Variants in B4GALNT3 observed in about 807,000 individuals in gnomAD.
B4GALNT3 encodes the protein beta-1,4-N-acetyl-galactosaminyltransferase 3.
B4GALNT3 carries 86 observed loss-of-function variants against 120.2 expected under a neutral mutation model. That is an observed-to-expected ratio of 0.72 (90% confidence interval 0.60 to 0.86). The LOEUF (loss-of-function observed/expected upper bound fraction) is 0.86, where lower values mean the gene tolerates loss of function less well. Among genes scored for constraint, B4GALNT3 ranks in the 40% least tolerant of loss-of-function variants. B4GALNT3 has a pLI of 0.00. For missense variants in B4GALNT3, 1,167 were observed against 1,298.9 expected (o/e 0.90, Z 1.56); for synonymous variants, 518 against 510.4 (o/e 1.01, Z -0.20).
At chr12:480,734 T>C (rs887697570) in intron 1 of B4GALNT3, among the ~76,000 whole-genome samples, 7 of 152,040 alleles carry the variant, frequency 4.6e-5, no homozygotes, top group Non-Finnish European at 7.4e-5. Context: ...AAGGGTGGGC[T>C]CCATAGGCGG....
Position 553,911 on chromosome 12 carries a change from T to C in B4GALNT3, c.1988T>C (p.Leu663Pro). 1 of 1,614,092 alleles carries C rather than the reference T, an allele frequency of 6.2e-7. No individual in the cohort carries two copies. The highest frequency in any genetic ancestry group is 1.1e-5 in the South Asian group (1 of 91,084). ...IDLSCNTSGN[L>P]LLPEQEALEV... ...CTGAGCTGTAACACATCTGGCAACC[T>C]GCTGCTTCCAGAGCAGGAAGCTCTG... The change falls in exon 14 of 20, where the codon CTG becomes CCG. Residue 663 changes from leucine to proline, a missense_variant. Physicochemically the swap from Leu to Pro is moderately conservative, Grantham distance 98. Coordinates refer to ENST00000266383, the MANE Select transcript of B4GALNT3 (RefSeq NM_173593.4).
intron 1 of B4GALNT3, among the ~76,000 whole-genome samples, chr12:486,647 A>G (rs559918002): frequency 1.3e-5 from 2 of 152,302 alleles, no homozygotes; most frequent in South Asian, 2.1e-4. Context: ...AGTGGGGAGA[A>G]GTCTGATGTA....
At chr12:556,039 T>C (rs753189106) in intron 14 of B4GALNT3, among the ~76,000 whole-genome samples, 3 of 152,132 alleles carry the variant, frequency 2.0e-5, no homozygotes, top group East Asian at 3.8e-4. Flanking sequence ...TGCCTTGGCC[T>C]CCCAAAATGC....
chr12:549,521 G>T (rs1025284710), intron 9 of B4GALNT3, among the ~76,000 whole-genome samples: 4 of 152,242 alleles, frequency 2.6e-5, no homozygotes, highest in Non-Finnish European at 5.9e-5. Flanking sequence ...TGAGAAAGAG[G>T]TGTCTTTTTC....
intron 4 of B4GALNT3, 87 bp from the exon 5 acceptor site, chr12:544,795 T>TC: frequency 7.6e-7 from 1 of 1,323,266 alleles, no homozygotes; most frequent in Admixed American, 1.9e-5. Context: ...CCTGTCATAG[T>TC]CCCCTCCTGG....
At chr12:499,286 T>C (rs542232193) in intron 1 of B4GALNT3, among the ~76,000 whole-genome samples, 22 of 152,378 alleles carry the variant, frequency 1.4e-4, no homozygotes, top group African/African-American at 5.3e-4. Context: ...CAGATATAAG[T>C]GTGAACACAT....
In B4GALNT3 at chr12:561,637, C is replaced by A; in HGVS notation, c.*186C>A. 1.7e-6 allele frequency: 1 copy of A among 582,762 alleles called. No individual in the cohort carries two copies. Among genetic ancestry groups the A allele is most frequent in the Non-Finnish European group, 3.1e-6 (1 of 327,788 alleles). 36.1% of individuals were successfully genotyped at this position (582,762 alleles called of 1,614,324 possible). ...CAGGTTCCGGGGCTCCTGTCTCTGC[C>A]TCCTGGGCCTTCAGAAGGGAGGACT... On this transcript the variant is annotated 3_prime_UTR_variant, in exon 20 of 20. Coordinates refer to ENST00000266383, the MANE Select transcript of B4GALNT3 (RefSeq NM_173593.4).
At chr12:506,868 C>T (rs1946502157) in intron 1 of B4GALNT3, among the ~76,000 whole-genome samples, 2 of 152,194 alleles carry the variant, frequency 1.3e-5, no homozygotes, top group South Asian at 4.1e-4. Flanking sequence ...GATCTCCTGA[C>T]CTCGTGATCC....
At chr12:555,944 T>C (rs563896153) in intron 14 of B4GALNT3, among the ~76,000 whole-genome samples, 4,135 of 151,098 alleles carry the variant, frequency 0.027, 166 homozygotes, top group African/African-American at 0.085. Context: ...CCACCACACC[T>C]GGCTAATTTT....
rs1441709733 is a variant in B4GALNT3 at position 550,612 on chromosome 12, G to A, written c.998-310G>A. Reference sequence around the variant, plus strand: ...GGAAATCCAGTTATCGGTACTGTACGAGGGAGGGGACCTTCTGGCCTCTTA... The same window carrying A: ...GGAAATCCAGTTATCGGTACTGTACAAGGGAGGGGACCTTCTGGCCTCTTA... On this transcript the variant is annotated intron_variant, in intron 10 of 19. Transcript: ENST00000266383. This position sits in a 1 kb window ranked among gnomAD's most constrained non-coding sequence, Gnocchi z 4.1. 6.6e-6 allele frequency among the ~76,000 whole-genome samples: 1 copy of A among 152,204 alleles called. No homozygotes were observed. The highest frequency in any genetic ancestry group is 1.9e-4 in the East Asian group (1 of 5,200).
intron 1 of B4GALNT3, among the ~76,000 whole-genome samples, chr12:487,050 A>G (rs1946296534): frequency 6.6e-6 from 1 of 152,232 alleles, no homozygotes; most frequent in South Asian, 2.1e-4. Flanking sequence ...GAAATGAAGA[A>G]TGTCTTCAAT....
chr12:554,061 G>T, intron 14 of B4GALNT3, 78 bp downstream of exon 14: 1 of 959,860 alleles, frequency 1.0e-6, no homozygotes, highest in Non-Finnish European at 1.6e-6. Flanking sequence ...GGGCCTAAGG[G>T]CTGGTAGTGG....
At chr12:515,333 A>G (rs1341611253) in intron 1 of B4GALNT3, among the ~76,000 whole-genome samples, 1 of 151,908 alleles carries the variant, frequency 6.6e-6, no homozygotes, top group Non-Finnish European at 1.5e-5. Context: ...AGCTGGGGCT[A>G]CAGGCGGGCA....
chr12:466,481 A>G (rs979992045), intron 1 of B4GALNT3, among the ~76,000 whole-genome samples: 4 of 152,210 alleles, frequency 2.6e-5, no homozygotes, highest in African/African-American at 9.7e-5. Flanking sequence ...AACTAGGCCA[A>G]CCAGACATTT....
chr12:558,941 C>A (rs1947192071), intron 18 of B4GALNT3, among the ~76,000 whole-genome samples: 1 of 151,822 alleles, frequency 6.6e-6, no homozygotes, highest in Non-Finnish European at 1.5e-5. Flanking sequence ...GCCAGATGCT[C>A]TGCCCTGTGG....
At chr12:519,331 T>C (rs949522504) in intron 1 of B4GALNT3, among the ~76,000 whole-genome samples, 2 of 152,184 alleles carry the variant, frequency 1.3e-5, no homozygotes, top group African/African-American at 4.8e-5. Flanking sequence ...TCATTAAATA[T>C]CAAAGTTTAT....
chr12:561,611 G>C lies in B4GALNT3; in HGVS notation c.*160G>C. 1 of 608,588 alleles carries C rather than the reference G, an allele frequency of 1.6e-6. No homozygotes were observed. Among genetic ancestry groups the C allele is most frequent in the South Asian group, 2.1e-5 (1 of 48,386 alleles). The allele number at this position is 608,588 out of a possible 1,614,324, so 37.7% of individuals were successfully genotyped here. On this transcript the variant is annotated 3_prime_UTR_variant, in exon 20 of 20. Coordinates refer to ENST00000266383, the MANE Select transcript of B4GALNT3 (RefSeq NM_173593.4). Reference sequence around the variant, plus strand: ...CACCTGGAGCTGTCCCCTCACAGAGGCAGGTTCCGGGGCTCCTGTCTCTGC... The same window carrying C: ...CACCTGGAGCTGTCCCCTCACAGAGCCAGGTTCCGGGGCTCCTGTCTCTGC...
At chr12:559,818 T>C (rs1947205984) in intron 19 of B4GALNT3, among the ~76,000 whole-genome samples, 1 of 151,876 alleles carries the variant, frequency 6.6e-6, no homozygotes. Flanking sequence ...GTTGTGGGAA[T>C]GGATAAGTAG....
intron 3 of B4GALNT3, among the ~76,000 whole-genome samples, chr12:544,036 G>A (rs1353000768): frequency 1.6e-4 from 20 of 125,402 alleles, no homozygotes; most frequent in African/African-American, 6.6e-4. Context: ...AGGAGCTGGG[G>A]CGGGCATGGG....
Sources: allele counts gnomAD v4.1 joint callset (sites outside exome capture counted in the v4.1 genomes callset), GRCh38; gene constraint gnomAD v4.1.1; non-coding constraint Gnocchi (gnomAD v3.1); transcripts MANE v1.5; gene names NCBI Gene and HGNC (gene_info 2026-07-23, HGNC 2026-07-21).